The following TLE5 variants were observed in gnomAD, a reference collection of about 807,000 sequenced individuals.
TLE5 encodes TLE family member 5.
A neutral mutation model predicts 25.8 loss-of-function variants in TLE5; 7 were observed. The ratio of observed to expected loss-of-function variants is 0.27; its 90% CI spans 0.15 to 0.51. The LOEUF is 0.51. TLE5 is among the 20% of genes least tolerant of loss of function. The pLI is 0.97. For missense variants in TLE5, 149 were observed against 250.7 expected (o/e 0.59, Z 2.74); for synonymous variants, 132 against 110.5 (o/e 1.20, Z -1.22).
intron 3 of TLE5, 126 bp downstream of exon 3, chr19:3,057,553 G>GC: frequency 2.3e-6 from 2 of 888,708 alleles, no homozygotes; most frequent in Non-Finnish European, 3.6e-6. Flanking sequence ...TGGAGAACAG[G>GC]CCCCGATCCT....
chr19:3,061,128 G>A, intron 2 of TLE5, 32 bp downstream of exon 2: 2 of 1,537,654 alleles, frequency 1.3e-6, no homozygotes, highest in South Asian at 2.2e-5. Context: ...TCACATTCTC[G>A]GGACGCAGGG....
rs1568262242 is a variant in TLE5 at position 3,053,755 on chromosome 19, C to T, written c.*64G>A. ...CCGCTGTGTCTTGTGCTAAACATTC[C>T]TTTCTCTCCGTGCCTCTGTCTCCCC... is the stretch of plus-strand genomic sequence containing the variant. On this transcript the variant is annotated 3_prime_UTR_variant, in exon 7 of 7. Transcript: ENST00000327141. 4.6e-6 allele frequency: 7 copies of T among 1,533,106 alleles called. No homozygotes were observed. Among genetic ancestry groups the T allele is most frequent in the Admixed American group, 1.8e-5 (1 of 55,580 alleles). The allele number at this position is 1,533,106 out of a possible 1,614,324, so 95.0% of individuals were successfully genotyped here.
intron 4 of TLE5, 178 bp downstream of exon 4, chr19:3,056,133 CG>C: frequency 4.4e-5 from 16 of 359,816 alleles, no homozygotes; most frequent in South Asian, 6.9e-5. Flanking sequence ...AGAGGCGGGG[CG>C]GGGGGGAGGA....
Position 3,061,151 on chromosome 19 carries a change from C to T in TLE5, c.125+9G>A. ...TCGGGACGCAGGGACCCCCAGTCCC[C>T]CAGCTCACCTGTGGTACTGAGCTTG... On this transcript the variant is annotated intron_variant, in intron 2 of 6. Coordinates refer to ENST00000327141, the MANE Select transcript of TLE5 (RefSeq NM_001130.6). 1 of 1,605,478 alleles carries T rather than the reference C, an allele frequency of 6.2e-7. No individual in the cohort carries two copies. Among genetic ancestry groups the T allele is most frequent in the Non-Finnish European group, 8.5e-7 (1 of 1,172,358 alleles).
chr19:3,053,900 G>A lies in TLE5; in HGVS notation c.513C>T (p.Ser171=), dbSNP rs1599266967. 1 of 1,613,224 alleles carries A rather than the reference G, an allele frequency of 6.2e-7. No homozygotes were observed. Residue 171 remains serine (S), a synonymous_variant, in exon 7 of 7, where the codon TCC becomes TCT. Transcript: ENST00000327141. The stretch of plus-strand genomic sequence containing the variant: ...TGTCTTCCTTGGAGAGGTGGGCCTG[G>A]GAACCCAGCGCGGACAGCGAGAGGA... ...TGLLSLSALG[S]QAHLSKEDKN...
At chr19:3,057,589 G>T in intron 3 of TLE5, 90 bp downstream of exon 3, 1 of 1,300,556 alleles carries the variant, frequency 7.7e-7, no homozygotes, top group Non-Finnish European at 1.1e-6. Context: ...AGGTGGCCGG[G>T]GTTGAGGGAG....
chr19:3,053,804 T>A lies in TLE5; in HGVS notation c.*15A>T. The A allele has an allele frequency of 6.2e-7, 1 of 1,606,558 alleles. No homozygotes were observed. Among genetic ancestry groups the A allele is most frequent in the Non-Finnish European group, 8.5e-7 (1 of 1,175,042 alleles). On this transcript the variant is annotated 3_prime_UTR_variant, in exon 7 of 7. Transcript: ENST00000327141. ...CCTCTGTCCCCCCTCCCAACCTCCC[T>A]GTCCCGGCCCCCTGCTAATCCGACT...
intron 4 of TLE5, 31 bp downstream of exon 4, chr19:3,056,281 G>GA (rs1555697037): frequency 6.8e-7 from 1 of 1,468,394 alleles, no homozygotes; most frequent in Non-Finnish European, 9.1e-7. Flanking sequence ...GAAGGAGGAG[G>GA]AGGAGGAGGA....
intron 3 of TLE5, 196 bp downstream of exon 3, chr19:3,057,483 A>ACTGCCTCGGCCAT: frequency 1.7e-6 from 1 of 588,006 alleles, no homozygotes; most frequent in African/African-American, 1.9e-5. Flanking sequence ...CACCTCGGCC[A>ACTGCCTCGGCCAT]CTGCCTCGGC....
chr19:3,055,809 G>A (rs1392371310), intron 4 of TLE5, 83 bp from the exon 5 acceptor site: 6 of 1,409,390 alleles, frequency 4.3e-6, no homozygotes, highest in South Asian at 1.4e-5. Context: ...GCGGGGCCCG[G>A]CCCAGCCCTG....
intron 2 of TLE5, among the ~76,000 whole-genome samples, chr19:3,059,273 G>C (rs1169754452): frequency 6.6e-6 from 1 of 152,186 alleles, no homozygotes. Context: ...TGTAATCCCA[G>C]CATTTTGGGA....
upstream of TLE5, chr19:3,062,587 G>C: frequency 3.1e-6 from 3 of 959,282 alleles, no homozygotes; most frequent in Non-Finnish European, 3.7e-6. Flanking sequence ...CGCGCGCCCG[G>C]GGAGGCCTGC....
chr19:3,056,524 A>G, intron 3 of TLE5, 168 bp from the exon 4 acceptor site: 1 of 594,260 alleles, frequency 1.7e-6, no homozygotes, highest in Non-Finnish European at 3.0e-6. Flanking sequence ...AAGAGGAGGG[A>G]GAGACGCCCA....
intron 3 of TLE5, 70 bp downstream of exon 3, chr19:3,057,609 G>C: frequency 6.8e-7 from 1 of 1,464,632 alleles, no homozygotes; most frequent in Non-Finnish European, 9.6e-7. Context: ...GCAGCTGCCC[G>C]TGGTGGAGGG....
chr19:3,054,086 T>TGGGGGGGGGGGGGGGGCCCCC, intron 6 of TLE5, 34 bp downstream of exon 6: 1 of 1,512,816 alleles, frequency 6.6e-7, no homozygotes, highest in Non-Finnish European at 8.9e-7. Context: ...GGCCCACCTG[T>TGGGGGGGGGGGGGGGGCCCCC]CCCCCGCCCA....
chr19:3,053,671 G>C lies in TLE5; in HGVS notation c.*148C>G, dbSNP rs1305489101. ...AAGCTAGAGGTGGCCTGCAAGCTGG[G>C]CTGGGGCCCCCGCCGGCGGCCACCA... On this transcript the variant is annotated 3_prime_UTR_variant, in exon 7 of 7. Transcript: ENST00000327141. The C allele has an allele frequency of 2.2e-6, 2 of 892,938 alleles. No individual in the cohort carries two copies. Among genetic ancestry groups the C allele is most frequent in the Non-Finnish European group, 3.3e-6 (2 of 600,500 alleles). The allele number at this position is 892,938 out of a possible 1,614,324, so 55.3% of individuals were successfully genotyped here.
chr19:3,057,553 GCCCCGAT>G (rs2090229975), intron 3 of TLE5, 119 bp downstream of exon 3: 1 of 888,708 alleles, frequency 1.1e-6, no homozygotes, highest in African/African-American at 1.6e-5. Context: ...TGGAGAACAG[GCCCCGAT>G]CCTCGCGCTT....
At chr19:3,055,987 G>A (rs1258783953) in intron 4 of TLE5, 4 of 522,678 alleles carry the variant, frequency 7.7e-6, no homozygotes, top group South Asian at 2.9e-5. Flanking sequence ...CACATTCCTC[G>A]GGGGTCGGCC....
intron 1 of TLE5, among the ~76,000 whole-genome samples, chr19:3,061,611 C>T (rs1237177624): frequency 6.6e-6 from 1 of 151,782 alleles, no homozygotes; most frequent in Non-Finnish European, 1.5e-5. Context: ...CCTAGGGAGC[C>T]CCCTCCCCAA....
Sources: gnomAD v4.1 joint callset for allele counts (sites outside exome capture counted in the v4.1 genomes callset) on GRCh38, gnomAD v4.1.1 for gene constraint, MANE v1.5 for transcripts, NCBI Gene and HGNC (gene_info 2026-07-23, HGNC 2026-07-21) for gene names.